Variants in ERCC6L2 observed in about 807,000 individuals in gnomAD.
The protein encoded by ERCC6L2 is DNA excision repair protein ERCC-6-like 2.
In ERCC6L2, 77 loss-of-function variants were observed where a neutral mutation model predicts 132.0. The observed-to-expected ratio is 0.58, with a 90% confidence interval of 0.49 to 0.71. The LOEUF is 0.71. Among genes scored for constraint, ERCC6L2 ranks in the 30% least tolerant of loss-of-function variants. The probability of loss-of-function intolerance (pLI) is 0.00; values close to 1 mark genes in which losing one functional copy is unlikely to be tolerated. For synonymous variants in ERCC6L2, 583 were observed against 632.4 expected (o/e 0.92, Z 1.17); for missense variants, 1,542 against 1,837.6 (o/e 0.84, Z 2.94).
Position 95,921,170 on chromosome 9 carries a change from G to A in ERCC6L2, c.1159-5G>A. ...TAATAACTACCTTGTATTTTATCTT[G>A]GCAGATGGTGTATTGTTCTTTGACA... On this transcript the variant is annotated splice_region_variant and splice_polypyrimidine_tract_variant and intron_variant, in intron 6 of 18. Coordinates refer to ENST00000653738, the MANE Select transcript of ERCC6L2 (RefSeq NM_020207.7). 6.2e-7 allele frequency: 1 copy of A among 1,601,902 alleles called. No individual in the cohort carries two copies. Among genetic ancestry groups the A allele is most frequent in the Non-Finnish European group, 8.5e-7 (1 of 1,175,128 alleles).
chr9:95,907,826 T>TACACACACAC (rs373670619), intron 4 of ERCC6L2, among the ~76,000 whole-genome samples: 91 of 40,912 alleles, frequency 2.2e-3, no homozygotes, highest in African/African-American at 6.1e-3. Flanking sequence ...GGGCAAAAAC[T>TACACACACAC]ACACACACAC....
At chr9:95,978,015 T>G in intron 16 of ERCC6L2, 46 bp from the exon 17 acceptor site, 1 of 1,213,978 alleles carries the variant, frequency 8.2e-7, no homozygotes, top group Non-Finnish European at 1.1e-6. Context: ...GGAACCATAT[T>G]GCTTTATACT....
At chr9:95,993,587 A>G (rs1833374076) in intron 17 of ERCC6L2, among the ~76,000 whole-genome samples, 1 of 152,114 alleles carries the variant, frequency 6.6e-6, no homozygotes, top group African/African-American at 2.4e-5. Context: ...ACAATGAGTC[A>G]CCCCTATAAG....
rs1291002551 is a variant in ERCC6L2, at chr9:95,922,381, T to C, written c.1376T>C (p.Val459Ala). 1.9e-6 allele frequency: 3 copies of C among 1,613,378 alleles called. No individual in the cohort carries two copies. In the South Asian group the frequency reaches 3.3e-5, roughly 18 times the overall value. The stretch of plus-strand genomic sequence containing the variant: ...GTCCTTCAGAAGGTAGCTAACCATG[T>C]CGCGCTACTGCAAGCTGCTAGTACT... ...LTVLQKVANH[V>A]ALLQAASTSK... The change falls in exon 8 of 19, where the codon GTC becomes GCC. Residue 459 changes from valine to alanine, a missense_variant. Physicochemically the swap from Val to Ala is moderately conservative, Grantham distance 64 (BLOSUM62 0). Around this residue, in one of 4 missense-constraint regions of ERCC6L2, gnomAD observed 945 missense variants for 1,105.2 expected, o/e 0.86. Coordinates refer to ENST00000653738, the MANE Select transcript of ERCC6L2 (RefSeq NM_020207.7).
chr9:95,952,779 G>A (rs186549051), intron 12 of ERCC6L2, among the ~76,000 whole-genome samples: 139 of 152,076 alleles, frequency 9.1e-4, no homozygotes, highest in African/African-American at 3.2e-3. Flanking sequence ...GACGAAGGTT[G>A]CAGTTTGCTG....
chr9:95,985,846 A>G (rs1472974046), intron 17 of ERCC6L2, among the ~76,000 whole-genome samples: 6 of 152,226 alleles, frequency 3.9e-5, no homozygotes, highest in Non-Finnish European at 7.3e-5. Context: ...TGTACCAACA[A>G]CATAGTAAAA....
In ERCC6L2 at chr9:95,898,060, A is replaced by G. The variant is rs1828561327; in HGVS notation, c.594+89A>G. On this transcript the variant is annotated intron_variant, in intron 3 of 18. Transcript: ENST00000653738. Reference sequence around the variant, plus strand: ...ATTTAAATATCACACATTAAAATGTATTGGTATACATTTTAAAACCTAAGA... The same window carrying G: ...ATTTAAATATCACACATTAAAATGTGTTGGTATACATTTTAAAACCTAAGA... 4 of 1,152,740 alleles carry G rather than the reference A, an allele frequency of 3.5e-6. No homozygotes were observed. In the South Asian group the frequency reaches 7.6e-5, roughly 22 times the overall value. The allele number at this position is 1,152,740 out of a possible 1,614,324, so 71.4% of individuals were successfully genotyped here.
At chr9:95,953,219 A>T (rs918730323) in intron 12 of ERCC6L2, among the ~76,000 whole-genome samples, 2 of 152,284 alleles carry the variant, frequency 1.3e-5, no homozygotes, top group South Asian at 4.1e-4. Context: ...AAATGATTAA[A>T]TTTTTTGTTT....
At chr9:95,959,103 G>A (rs1831768757) in intron 13 of ERCC6L2, among the ~76,000 whole-genome samples, 2 of 152,050 alleles carry the variant, frequency 1.3e-5, no homozygotes, top group South Asian at 4.1e-4. Context: ...CAAAGCTGGA[G>A]GCATCATGCT....
chr9:95,989,254 C>T (rs777752735), intron 17 of ERCC6L2, among the ~76,000 whole-genome samples: 16 of 152,158 alleles, frequency 1.1e-4, no homozygotes, highest in Non-Finnish European at 2.4e-4. Context: ...ACCATCAGCC[C>T]CTGTTCCCTC....
chr9:96,004,718 AATACT>A lies in ERCC6L2; in HGVS notation c.3674+23_3674+27del. On this transcript the variant is annotated intron_variant, in intron 18 of 18. Transcript: ENST00000653738. ...AATCCGCAGGTATATTGTCTCTGAC[AATACT>A]ATACTTGAAGAATAATTCTCAAAGG... 6.1e-6 allele frequency: 8 copies of A among 1,304,562 alleles called. No homozygotes were observed. The highest frequency in any genetic ancestry group is 7.1e-6 in the Non-Finnish European group (7 of 981,920). The allele number at this position is 1,304,562 out of a possible 1,614,324, so 80.8% of individuals were successfully genotyped here. A position where few individuals can be genotyped will look rare whatever the true frequency, so the allele number is the denominator to read the frequency against.
downstream of ERCC6L2, chr9:96,021,052 TA>T (rs935583513): frequency 2.2e-6 from 1 of 452,012 alleles, no homozygotes; most frequent in African/African-American, 2.0e-5. This position sits in a 1 kb window ranked among gnomAD's most constrained non-coding sequence, Gnocchi z 4.7. Context: ...CGAACCCAGC[TA>T]GGGGGCACCG....
At chr9:95,984,016 A>C (rs2133131309) in intron 17 of ERCC6L2, among the ~76,000 whole-genome samples, 1 of 152,096 alleles carries the variant, frequency 6.6e-6, no homozygotes, top group East Asian at 1.9e-4. Context: ...TCTGTGAAGA[A>C]TTACCTTCAC....
chr9:96,004,557 A>G lies in ERCC6L2; in HGVS notation c.3530A>G (p.His1177Arg), dbSNP rs1263410223. The G allele has an allele frequency of 7.6e-7, 1 of 1,308,830 alleles. No homozygotes were observed. Among genetic ancestry groups the G allele is most frequent in the African/African-American group, 1.5e-5 (1 of 66,026 alleles). The allele number at this position is 1,308,830 out of a possible 1,614,324, so 81.1% of individuals were successfully genotyped here. The change falls in exon 18 of 19, where the codon CAC (histidine) becomes CGC (arginine). Residue 1177 changes from histidine to arginine, a missense_variant. Physicochemically the swap from His to Arg is conservative, Grantham distance 29. Coordinates refer to ENST00000653738, the MANE Select transcript of ERCC6L2 (RefSeq NM_020207.7). ...KEKVDADTLP[H>R]TKKGQQPSEG... ...AAAGTGGATGCAGATACATTGCCAC[A>G]CACAAAGAAAGGCCAGCAACCGAGT...
chr9:95,943,966 C>T (rs1830930674), intron 12 of ERCC6L2, among the ~76,000 whole-genome samples: 1 of 152,080 alleles, frequency 6.6e-6, no homozygotes, highest in South Asian at 2.1e-4. Context: ...GGTGGTTCCT[C>T]AAAAAATTAA....
intron 13 of ERCC6L2, among the ~76,000 whole-genome samples, chr9:95,959,619 A>G (rs975479404): frequency 1.3e-5 from 2 of 152,020 alleles, no homozygotes; most frequent in African/African-American, 4.8e-5. Context: ...GAAAATTTTC[A>G]CAACCTACTC....
chr9:95,881,983 A>G (rs1197795074), intron 2 of ERCC6L2, among the ~76,000 whole-genome samples: 1 of 152,188 alleles, frequency 6.6e-6, no homozygotes, highest in African/African-American at 2.4e-5. Flanking sequence ...GGCTGCAGTC[A>G]TCTCAAGGTG....
intron 11 of ERCC6L2, among the ~76,000 whole-genome samples, chr9:95,935,677 A>G (rs1830522670): frequency 6.6e-6 from 1 of 152,158 alleles, no homozygotes; most frequent in Admixed American, 6.5e-5. Flanking sequence ...TATGAAAGCA[A>G]CTTTAAATGT....
At chr9:95,954,756 G>A (rs779276176) in intron 12 of ERCC6L2, 1 of 470,900 alleles carries the variant, frequency 2.1e-6, no homozygotes, top group Admixed American at 2.3e-5. Flanking sequence ...GAGAGAAAGG[G>A]ATGCTGAGCC....
Sources: allele counts gnomAD v4.1 joint callset (sites outside exome capture counted in the v4.1 genomes callset), GRCh38; gene constraint gnomAD v4.1.1; regional missense constraint gnomAD v4.1.1; non-coding constraint Gnocchi (gnomAD v3.1); transcripts MANE v1.5; gene names NCBI Gene and HGNC (gene_info 2026-07-23, HGNC 2026-07-21).